Variants in ZNF423 observed in about 807,000 individuals in gnomAD.
ZNF423 encodes the protein Ebf-associated zinc finger protein.
Under a neutral mutation model 95.8 loss-of-function variants are expected in ZNF423, and 12 were observed. The ratio of observed to expected loss-of-function variants is 0.13; its 90% confidence interval spans 0.08 to 0.20. ZNF423 has a LOEUF of 0.20. Among genes scored for constraint, ZNF423 ranks in the 10% least tolerant of loss-of-function variants. The pLI is 1.00. For synonymous variants in ZNF423, 749 were observed against 711.9 expected (o/e 1.05, Z -0.83); for missense variants, 1,316 against 1,737.1 (o/e 0.76, Z 4.31).
chr16:49,731,682 G>T (rs1339499371), intron 2 of ZNF423, among the ~76,000 whole-genome samples: 1 of 152,086 alleles, frequency 6.6e-6, no homozygotes, highest in Non-Finnish European at 1.5e-5. Flanking sequence ...AATTAGCCTG[G>T]TATAGTGGTG....
rs1295169814 is a variant in ZNF423, at chr16:49,638,917, G to A, written c.302-43C>T. The stretch of plus-strand genomic sequence containing the variant: ...GAGGATATTAGAGGCAATTCCCAGG[G>A]CTGCCGAGAAACAAGGACAGAGCCA... On this transcript the variant is annotated intron_variant, in intron 3 of 7. Coordinates refer to ENST00000563137, the MANE Select transcript of ZNF423 (RefSeq NM_001379286.1). The surrounding 1 kb of genome is among the most constrained non-coding windows in gnomAD (Gnocchi z 5.6). 1 of 1,551,040 alleles carries A rather than the reference G, an allele frequency of 6.4e-7. No homozygotes were observed. Among genetic ancestry groups the A allele is most frequent in the Non-Finnish European group, 8.7e-7 (1 of 1,147,160 alleles).
At chr16:49,760,102 T>G (rs2033800574) in intron 2 of ZNF423, among the ~76,000 whole-genome samples, 2 of 124,292 alleles carry the variant, frequency 1.6e-5, no homozygotes, top group South Asian at 5.2e-4. Context: ...GATGGATTGA[T>G]GAATGGATGG....
chr16:49,848,055 G>A (rs938512414), intron 1 of ZNF423, among the ~76,000 whole-genome samples: 1 of 151,974 alleles, frequency 6.6e-6, no homozygotes, highest in African/African-American at 2.4e-5. Context: ...AGTGAACTAC[G>A]ATCACGTCAC....
At chr16:49,566,484 C>G (rs2151778566) in intron 5 of ZNF423, among the ~76,000 whole-genome samples, 1 of 152,190 alleles carries the variant, frequency 6.6e-6, no homozygotes, top group Non-Finnish European at 1.5e-5. Context: ...CTCCATGGCC[C>G]AAAGAAAAGA....
At chr16:49,817,630 G>A (rs1361756633) in intron 1 of ZNF423, among the ~76,000 whole-genome samples, 3 of 152,198 alleles carry the variant, frequency 2.0e-5, no homozygotes, top group Non-Finnish European at 4.4e-5. Context: ...TGCTGGGCAG[G>A]AGGTGCTCAG....
At chr16:49,511,110 G>A (rs1015982796) in intron 7 of ZNF423, among the ~76,000 whole-genome samples, 4 of 152,234 alleles carry the variant, frequency 2.6e-5, no homozygotes, top group Non-Finnish European at 5.9e-5. Flanking sequence ...CAAGGCTCAC[G>A]AGGGTATCTG....
chr16:49,568,860 G>A (rs919115118), intron 5 of ZNF423, among the ~76,000 whole-genome samples: 1 of 152,030 alleles, frequency 6.6e-6, no homozygotes, highest in African/African-American at 2.4e-5. Flanking sequence ...CTTGAATGCA[G>A]GAACCTTCTC....
chr16:49,740,305 C>G (rs111870369), intron 2 of ZNF423, among the ~76,000 whole-genome samples: 1 of 152,140 alleles, frequency 6.6e-6, no homozygotes. Flanking sequence ...ATTCAGTGTT[C>G]GTTTGGGTCC....
At chr16:49,695,770 A>G (rs2031947469) in intron 3 of ZNF423, among the ~76,000 whole-genome samples, 1 of 152,212 alleles carries the variant, frequency 6.6e-6, no homozygotes, top group Non-Finnish European at 1.5e-5. Flanking sequence ...CAAAAAGAGT[A>G]CTCGCTCTGG....
chr16:49,611,102 A>G (rs1971705311), intron 5 of ZNF423, among the ~76,000 whole-genome samples: 1 of 152,070 alleles, frequency 6.6e-6, no homozygotes, highest in Non-Finnish European at 1.5e-5. Context: ...TAGGACAACT[A>G]CGCAGAAAAT....
chr16:49,619,819 G>A lies in ZNF423; in HGVS notation c.3601+6351C>T, dbSNP rs1336832219. Among the ~76,000 whole-genome samples the A allele has an allele frequency of 2.6e-5, 4 of 152,250 alleles. No individual in the cohort carries two copies. In the East Asian group the frequency reaches 5.8e-4, roughly 22 times the overall value. On this transcript the variant is annotated intron_variant, in intron 5 of 7. Transcript: ENST00000563137. ...ACGTGATCCTGGCAGAAAGGAGACA[G>A]GAACCCCTTTTTCTTTTCATGTTCA...
intron 5 of ZNF423, among the ~76,000 whole-genome samples, chr16:49,618,533 TTC>T (rs1971953040): frequency 6.6e-6 from 1 of 152,106 alleles, no homozygotes; most frequent in South Asian, 2.1e-4. Context: ...CTTTGCTTTC[TTC>T]TCTCTCTCTC....
chr16:49,495,966 C>A (rs1967152494), intron 7 of ZNF423, among the ~76,000 whole-genome samples: 1 of 152,222 alleles, frequency 6.6e-6, no homozygotes, highest in Non-Finnish European at 1.5e-5. Context: ...CTTAAGCATG[C>A]CAGCAGCATA....
chr16:49,788,139 C>T (rs2034348806), intron 2 of ZNF423, among the ~76,000 whole-genome samples: 2 of 152,220 alleles, frequency 1.3e-5, no homozygotes. Context: ...ACGTTGGCTT[C>T]AGACAAGGCC....
At chr16:49,679,821 C>G (rs114027241) in intron 3 of ZNF423, among the ~76,000 whole-genome samples, 1 of 152,228 alleles carries the variant, frequency 6.6e-6, no homozygotes. Flanking sequence ...GGTGGAGTCC[C>G]AGCCCAGAGT....
At chr16:49,779,212 G>A (rs936664809) in intron 2 of ZNF423, among the ~76,000 whole-genome samples, 1 of 151,980 alleles carries the variant, frequency 6.6e-6, no homozygotes, top group Non-Finnish European at 1.5e-5. Flanking sequence ...CCCTAGGAGT[G>A]AGCAGAGCAT....
chr16:49,513,617 A>G (rs1222277231), intron 7 of ZNF423, among the ~76,000 whole-genome samples: 1 of 149,332 alleles, frequency 6.7e-6, no homozygotes, highest in Non-Finnish European at 1.5e-5. Flanking sequence ...CTCAAAAAAT[A>G]TGTTAACACA....
At chr16:49,607,069 A>AT (rs56023806) in intron 5 of ZNF423, among the ~76,000 whole-genome samples, 72,527 of 140,972 alleles carry the variant, frequency 0.51, 20,014 homozygotes, top group African/African-American at 0.74. Context: ...AATGTTTTGG[A>AT]TTTTTTTTTT....
chr16:49,631,211 T>C (rs1344530), intron 4 of ZNF423, among the ~76,000 whole-genome samples: 85,348 of 152,102 alleles, frequency 0.56, 26,948 homozygotes, highest in African/African-American at 0.88. Flanking sequence ...CAGACATGCA[T>C]GCAGCTTCTG....
Sources: allele counts gnomAD v4.1 joint callset (sites outside exome capture counted in the v4.1 genomes callset), GRCh38; gene constraint gnomAD v4.1.1; non-coding constraint Gnocchi (gnomAD v3.1); transcripts MANE v1.5; gene names NCBI Gene and HGNC (gene_info 2026-07-23, HGNC 2026-07-21).